PCDHA11: variants seen among roughly 807,000 people sequenced by gnomAD.
PCDHA11 encodes protocadherin alpha 11, also known as protocadherin alpha-11.
A neutral mutation model predicts 70.3 loss-of-function variants in PCDHA11; 61 were observed. The ratio of observed to expected loss-of-function variants is 0.87; its 90% CI spans 0.71 to 1.07. The LOEUF is 1.07. Ranked by LOEUF, PCDHA11 falls within the 50% of genes least tolerant of loss-of-function variation. The pLI is 0.00. For synonymous variants in PCDHA11, 633 were observed against 555.1 expected (o/e 1.14, Z -1.97); for missense variants, 1,324 against 1,237.5 (o/e 1.07, Z -1.05).
At chr5:140,941,253 T>TTCTTTCTTTCTC (rs1563187863) in intron 1 of PCDHA11, among the ~76,000 whole-genome samples, 4 of 64,962 alleles carry the variant, frequency 6.2e-5, no homozygotes, top group Non-Finnish European at 1.0e-4. Flanking sequence ...CTTTCTTTCT[T>TTCTTTCTTTCTC]TCTCTTTCTT....
intron 1 of PCDHA11, among the ~76,000 whole-genome samples, chr5:140,900,094 G>A (rs546671178): frequency 3.6e-4 from 55 of 152,150 alleles, no homozygotes; most frequent in East Asian, 2.3e-3. Context: ...ACAAGCATGC[G>A]CCACCATACC....
chr5:140,957,717 A>G (rs2095377934), intron 1 of PCDHA11, among the ~76,000 whole-genome samples: 1 of 152,166 alleles, frequency 6.6e-6, no homozygotes, highest in African/African-American at 2.4e-5. Context: ...TTATTAAGAA[A>G]GAAGCAGAAT....
intron 1 of PCDHA11, chr5:140,875,971 C>A (rs17844352): frequency 1.1e-5 from 17 of 1,614,030 alleles, no homozygotes; most frequent in Non-Finnish European, 1.4e-5. Flanking sequence ...CGTAAACTCT[C>A]TTTTGACCTA....
chr5:140,930,375 C>T (rs2086761522), intron 1 of PCDHA11: 1 of 151,734 alleles, frequency 6.6e-6, no homozygotes, highest in Non-Finnish European at 1.5e-5. Flanking sequence ...GTTAGTGGCC[C>T]TTGGCATTTC....
Position 141,009,727 on chromosome 5 carries a change from C to T in PCDHA11, c.2640C>T (p.Pro880=), listed in dbSNP as rs781880006. The part of the protein sequence containing the change: ...YGPGNPKQSG[P]GELPDKFIIP... ...CAGGCAACCCCAAACAATCCGGTCC[C>T]GGTGAGTTGCCCGACAAATTCATTA... Residue 880 remains proline, a synonymous_variant, in exon 4 of 4, where the codon CCC becomes CCT. Coordinates refer to ENST00000398640, the MANE Select transcript of PCDHA11 (RefSeq NM_018902.5). The T allele has an allele frequency of 3.1e-6, 5 of 1,614,022 alleles. No homozygotes were observed. The highest frequency in any genetic ancestry group is 2.2e-5 in the East Asian group (1 of 44,886).
chr5:141,001,020 TATA>T (rs539315208), intron 3 of PCDHA11, among the ~76,000 whole-genome samples: 5 of 152,250 alleles, frequency 3.3e-5, no homozygotes, highest in Non-Finnish European at 5.9e-5. Context: ...GATATACACT[TATA>T]ATAATAGCTT....
At chr5:140,926,217 T>C (rs1201243643) in intron 1 of PCDHA11, among the ~76,000 whole-genome samples, 1 of 151,994 alleles carries the variant, frequency 6.6e-6, no homozygotes, top group African/African-American at 2.4e-5. Flanking sequence ...CCTGTTTCCT[T>C]AAGCCTAGAA....
chr5:140,928,152 T>G, intron 1 of PCDHA11: 1 of 1,614,200 alleles, frequency 6.2e-7, no homozygotes, highest in East Asian at 2.2e-5. Context: ...CCTCAGATAG[T>G]GGCTCACCCC....
At chr5:141,007,395 CAA>C (rs35800918) in intron 3 of PCDHA11, among the ~76,000 whole-genome samples, 1,140 of 94,858 alleles carry the variant, frequency 0.012, 9 homozygotes, top group South Asian at 0.036. Context: ...TACTAAAATA[CAA>C]AAAAAAAAAA....
At chr5:140,927,133 G>A (rs2083881073) in intron 1 of PCDHA11, 16 of 1,613,984 alleles carry the variant, frequency 9.9e-6, no homozygotes, top group Non-Finnish European at 1.4e-5. Context: ...CAGAGAGCCG[G>A]CGGACCGCGA....
At chr5:140,947,734 C>T (rs2094167568) in intron 1 of PCDHA11, among the ~76,000 whole-genome samples, 1 of 151,286 alleles carries the variant, frequency 6.6e-6, no homozygotes, top group African/African-American at 2.4e-5. Flanking sequence ...TTTTGTAATA[C>T]CTATTCTTAT....
intron 1 of PCDHA11, chr5:140,927,852 A>C: frequency 6.2e-7 from 1 of 1,614,218 alleles, no homozygotes; most frequent in Non-Finnish European, 8.5e-7. Flanking sequence ...TCTTTGGTTT[A>C]GCTAGCACCG....
At chr5:140,975,056 A>G (rs1006106436) in intron 1 of PCDHA11, among the ~76,000 whole-genome samples, 3 of 152,154 alleles carry the variant, frequency 2.0e-5, no homozygotes, top group Non-Finnish European at 4.4e-5. Flanking sequence ...AGAATCTACT[A>G]TCGAGCTCAT....
intron 1 of PCDHA11, among the ~76,000 whole-genome samples, chr5:140,909,217 C>T (rs2074379679): frequency 6.6e-6 from 1 of 152,106 alleles, no homozygotes; most frequent in Non-Finnish European, 1.5e-5. Context: ...GTTGATATAC[C>T]CCTGAGGTAG....
At chr5:140,875,397 G>T in intron 1 of PCDHA11, 2 of 1,480,686 alleles carry the variant, frequency 1.4e-6, no homozygotes, top group South Asian at 1.4e-5. Flanking sequence ...AGAAAAGGGT[G>T]ACTGCTCATA....
chr5:140,882,582 A>G (rs1554174663), intron 1 of PCDHA11: 1 of 1,614,114 alleles, frequency 6.2e-7, no homozygotes, highest in East Asian at 2.2e-5. Context: ...TGCAGCATCC[A>G]CCTGGAGGTG....
Position 140,871,180 on chromosome 5 carries a change from G to C in PCDHA11, c.2077G>C (p.Val693Leu), listed in dbSNP as rs376198166. 48 of 1,613,470 alleles carry C rather than the reference G, an allele frequency of 3.0e-5. No individual in the cohort carries two copies. The highest frequency in any genetic ancestry group is 3.9e-5 in the Non-Finnish European group (46 of 1,179,954). The change falls in exon 1 of 4, where the codon GTG (valine) becomes CTG (leucine). Residue 693 changes from valine (V) to leucine (L), a missense_variant. Coordinates refer to ENST00000398640, the MANE Select transcript of PCDHA11 (RefSeq NM_018902.5). ...AGAASPEAAL[V>L]DVNVYLIIAI... ...CGCCGCGAGCCCAGAGGCTGCGCTG[G>C]TGGATGTCAACGTGTACCTGATCAT...
intron 1 of PCDHA11, chr5:140,875,924 A>C (rs782181544): frequency 6.2e-7 from 1 of 1,614,054 alleles, no homozygotes; most frequent in Non-Finnish European, 8.5e-7. Context: ...CTGGACTCTC[A>C]TTTTCCTCTA....
intron 1 of PCDHA11, among the ~76,000 whole-genome samples, chr5:140,890,386 A>G (rs905205351): frequency 6.6e-6 from 1 of 152,202 alleles, no homozygotes; most frequent in Admixed American, 6.5e-5. Flanking sequence ...TCTTTCTTAG[A>G]TAATCTATAA....
Sources: gnomAD v4.1 joint callset for allele counts (sites outside exome capture counted in the v4.1 genomes callset) on GRCh38, gnomAD v4.1.1 for gene constraint, MANE v1.5 for transcripts, NCBI Gene and HGNC (gene_info 2026-07-23, HGNC 2026-07-21) for gene names.